The following PTPRD variants were observed in gnomAD, a reference collection of about 807,000 sequenced individuals.
The protein encoded by PTPRD is receptor-type tyrosine-protein phosphatase delta.
Under a neutral mutation model 214.5 loss-of-function variants are expected in PTPRD, and 34 were observed. That is an observed-to-expected ratio of 0.16 (90% CI 0.12 to 0.21). The LOEUF is 0.21. PTPRD is among the 10% of genes least tolerant of loss of function. The pLI is 1.00. For synonymous variants in PTPRD, 1,128 were observed against 845.7 expected (o/e 1.33, Z -5.79); for missense variants, 2,545 against 2,398.7 (o/e 1.06, Z -1.27).
intron 4 of PTPRD, among the ~76,000 whole-genome samples, chr9:9,951,476 G>A (rs1178605401): frequency 6.6e-6 from 1 of 152,084 alleles, no homozygotes; most frequent in African/African-American, 2.4e-5. Flanking sequence ...TCCTAGGGAG[G>A]GACACTTGAG....
intron 9 of PTPRD, among the ~76,000 whole-genome samples, chr9:9,325,396 G>A (rs1280505635): frequency 2.0e-5 from 3 of 152,260 alleles, no homozygotes; most frequent in East Asian, 3.9e-4. Context: ...TCTCCTTGAA[G>A]AGGTCCTTCA....
chr9:8,781,394 A>G (rs2095689988), intron 11 of PTPRD, among the ~76,000 whole-genome samples: 1 of 152,212 alleles, frequency 6.6e-6, no homozygotes, highest in Non-Finnish European at 1.5e-5. Flanking sequence ...AAATACCCTT[A>G]GGAGATAAAG....
chr9:9,552,831 A>G (rs1479489622), intron 8 of PTPRD, among the ~76,000 whole-genome samples: 1 of 152,076 alleles, frequency 6.6e-6, no homozygotes, highest in African/African-American at 2.4e-5. Context: ...TTGAAAAGTC[A>G]TTTGCTGACA....
chr9:10,598,874 A>T (rs547548855), intron 2 of PTPRD, among the ~76,000 whole-genome samples: 1 of 151,712 alleles, frequency 6.6e-6, no homozygotes, highest in African/African-American at 2.4e-5. Context: ...AATGTATGAC[A>T]CTACCAATTT....
intron 5 of PTPRD, among the ~76,000 whole-genome samples, chr9:9,936,789 G>A (rs936205648): frequency 4.1e-4 from 57 of 140,452 alleles, no homozygotes; most frequent in Admixed American, 1.4e-3. Flanking sequence ...TGTTTATTGC[G>A]GCATTATTCA....
At chr9:9,734,835 G>A (rs970788426) in intron 6 of PTPRD, among the ~76,000 whole-genome samples, 1 of 152,008 alleles carries the variant, frequency 6.6e-6, no homozygotes, top group South Asian at 2.1e-4. Flanking sequence ...TTTAGGTGAC[G>A]ATAATTATTT....
intron 7 of PTPRD, among the ~76,000 whole-genome samples, chr9:9,683,815 C>T (rs572891186): frequency 9.2e-5 from 14 of 151,578 alleles, no homozygotes; most frequent in Admixed American, 2.0e-4. Context: ...ATCATTTTAA[C>T]GAATTGATAT....
chr9:9,586,457 G>T (rs977740232), intron 7 of PTPRD, among the ~76,000 whole-genome samples: 3 of 151,870 alleles, frequency 2.0e-5, no homozygotes, highest in Non-Finnish European at 4.4e-5. Flanking sequence ...GCATTTTTTA[G>T]TAATAAAAAT....
intron 14 of PTPRD, among the ~76,000 whole-genome samples, chr9:8,587,271 G>C (rs1337306809): frequency 6.6e-6 from 1 of 152,160 alleles, no homozygotes; most frequent in Non-Finnish European, 1.5e-5. Flanking sequence ...AGAGGCACTA[G>C]TGACATGTTA....
intron 7 of PTPRD, among the ~76,000 whole-genome samples, chr9:9,670,174 A>T (rs1408965227): frequency 6.6e-6 from 1 of 152,130 alleles, no homozygotes; most frequent in African/African-American, 2.4e-5. Flanking sequence ...CACCATAAAA[A>T]TTGTGTTTAA....
intron 9 of PTPRD, among the ~76,000 whole-genome samples, chr9:9,340,125 T>C (rs1451236308): frequency 6.6e-6 from 1 of 151,974 alleles, no homozygotes; most frequent in Non-Finnish European, 1.5e-5. Flanking sequence ...GGTAAGGCAC[T>C]CTAGAAACCG....
chr9:10,142,478 A>G (rs2098992886), intron 3 of PTPRD, among the ~76,000 whole-genome samples: 1 of 152,154 alleles, frequency 6.6e-6, no homozygotes, highest in Non-Finnish European at 1.5e-5. Flanking sequence ...ATGAACAGAC[A>G]CTTCTCAAAA....
chr9:10,493,915 T>C (rs1044100822), intron 2 of PTPRD, among the ~76,000 whole-genome samples: 1 of 152,004 alleles, frequency 6.6e-6, no homozygotes, highest in African/African-American at 2.4e-5. Context: ...ACAGCAATTA[T>C]GGCTAAATAC....
In PTPRD at chr9:9,139,304, T is replaced by C. The variant is rs192856185; in HGVS notation, c.-143+44000A>G. On this transcript the variant is annotated intron_variant, in intron 10 of 45. Transcript: ENST00000381196. Reference sequence around the variant, plus strand: ...TCAAATAACATCGTTTAGTTCAAAATTGTTTCTTTATAATGTTGATGAGGA... The same window carrying C: ...TCAAATAACATCGTTTAGTTCAAAACTGTTTCTTTATAATGTTGATGAGGA... Among the ~76,000 whole-genome samples, 430 of 152,306 alleles carry C rather than the reference T, an allele frequency of 2.8e-3. 2 individuals are homozygous for C. Among genetic ancestry groups the C allele is most frequent in the Middle Eastern group, 6.8e-3 (2 of 294 alleles).
intron 4 of PTPRD, among the ~76,000 whole-genome samples, chr9:9,942,313 G>C (rs1218125626): frequency 1.3e-5 from 2 of 152,062 alleles, no homozygotes; most frequent in Non-Finnish European, 2.9e-5. Flanking sequence ...CATTATATCA[G>C]TAAATAAAAA....
intron 14 of PTPRD, among the ~76,000 whole-genome samples, chr9:8,612,308 G>A (rs2095479655): frequency 6.6e-6 from 1 of 152,012 alleles, no homozygotes; most frequent in African/African-American, 2.4e-5. Flanking sequence ...TTGTATGTTT[G>A]GCCATATCAA....
chr9:10,214,012 A>C (rs2099529147), intron 3 of PTPRD, among the ~76,000 whole-genome samples: 1 of 152,054 alleles, frequency 6.6e-6, no homozygotes, highest in South Asian at 2.1e-4. Flanking sequence ...ATTATCTATC[A>C]ACAGCTGTAA....
intron 12 of PTPRD, among the ~76,000 whole-genome samples, chr9:8,659,074 GAAA>G: frequency 6.8e-6 from 1 of 147,942 alleles, no homozygotes; most frequent in Non-Finnish European, 1.5e-5. Flanking sequence ...GAAGTAACTG[GAAA>G]AAAAAAAAGT....
intron 3 of PTPRD, among the ~76,000 whole-genome samples, chr9:10,317,326 T>G (rs1481598174): frequency 2.0e-5 from 3 of 152,024 alleles, no homozygotes; most frequent in Admixed American, 6.6e-5. Flanking sequence ...AATGATAATG[T>G]GAAACCATGC....
Sources: allele counts gnomAD v4.1 joint callset (sites outside exome capture counted in the v4.1 genomes callset), GRCh38; gene constraint gnomAD v4.1.1; transcripts MANE v1.5; gene names NCBI Gene and HGNC (gene_info 2026-07-23, HGNC 2026-07-21).